Variants in WDR44 observed in about 807,000 individuals in gnomAD.
The protein encoded by WDR44 is WD repeat-containing protein 44.
WDR44 carries 9 observed loss-of-function variants against 65.7 expected under a neutral mutation model. The observed-to-expected ratio is 0.14, with a 90% confidence interval of 0.08 to 0.24. The LOEUF (loss-of-function observed/expected upper bound fraction) is 0.24, where lower values mean the gene tolerates loss of function less well. WDR44 is among the 10% of genes least tolerant of loss of function. The pLI is 1.00. For synonymous variants in WDR44, 220 were observed against 235.2 expected (o/e 0.94, Z 0.59); for missense variants, 425 against 670.9 (o/e 0.63, Z 4.05).
rs191641918 is a variant in WDR44 at position 118,445,092 on chromosome X, G to A, written c.2647+598G>A. The A allele has an allele frequency of 5.3e-4, 151 of 286,613 alleles. 1 individual carries two copies. The highest frequency in any genetic ancestry group is 3.7e-3 in the African/African-American group (131 of 35,332). The allele number at this position is 286,613 out of a possible 1,213,427, so 23.6% of individuals were successfully genotyped here. A position where few individuals can be genotyped will look rare whatever the true frequency, so the allele number is the denominator to read the frequency against. ...AGATGGATCACGAGGTCAGGAGATC[G>A]AGACCATCCTGGCTAACACGGTGAA... On this transcript the variant is annotated intron_variant, in intron 19 of 19. Transcript: ENST00000254029.
chrX:118,395,115 G>A (rs1012049654), intron 5 of WDR44, 134 bp from the exon 6 acceptor site: 8 of 575,630 alleles, frequency 1.4e-5, no homozygotes, highest in South Asian at 1.4e-4. Context: ...GGACTGAAAC[G>A]TAATGTTCCA....
At chrX:118,419,708 G>T (rs1254946168) in intron 12 of WDR44, among the ~76,000 whole-genome samples, 2 of 112,103 alleles carry the variant, frequency 1.8e-5, no homozygotes, top group Non-Finnish European at 3.8e-5. Context: ...TGTCTGCCAT[G>T]ATGGCATCCC....
Position 118,449,158 on chromosome X carries a change from G to T in WDR44, c.*171G>T. The T allele has an allele frequency of 3.1e-6, 1 of 327,056 alleles. No individual in the cohort carries two copies. The allele number at this position is 327,056 out of a possible 1,213,427, so 27.0% of individuals were successfully genotyped here. On this transcript the variant is annotated 3_prime_UTR_variant, in exon 20 of 20. Coordinates refer to ENST00000254029, the MANE Select transcript of WDR44 (RefSeq NM_019045.5). Reference sequence around the variant, plus strand: ...ATCTAGGAAACCCTGGGCTGATAGAGTAGAAAGGAATATGGCTAGAATAAC... The same window carrying T: ...ATCTAGGAAACCCTGGGCTGATAGATTAGAAAGGAATATGGCTAGAATAAC...
chrX:118,364,393 A>G (rs942368515), intron 1 of WDR44, among the ~76,000 whole-genome samples: 2 of 112,222 alleles, frequency 1.8e-5, no homozygotes, highest in Non-Finnish European at 3.8e-5. Flanking sequence ...CTCTTCTCCC[A>G]CTTACATACA....
intron 12 of WDR44, among the ~76,000 whole-genome samples, chrX:118,424,259 G>GTT (rs2057130935): frequency 2.4e-5 from 2 of 84,521 alleles, no homozygotes; most frequent in African/African-American, 1.0e-4. Context: ...ACTAATACTT[G>GTT]TTATCTTATA....
At chrX:118,443,513 A>T (rs376522904) in intron 17 of WDR44, 47 bp from the exon 18 acceptor site, 2 of 1,191,074 alleles carry the variant, frequency 1.7e-6, no homozygotes, top group Non-Finnish European at 2.3e-6. Context: ...CTTTAAACAT[A>T]TACACACACA....
intron 1 of WDR44, among the ~76,000 whole-genome samples, chrX:118,357,041 C>T (rs1223557560): frequency 2.8e-5 from 3 of 108,766 alleles, no homozygotes; most frequent in Non-Finnish European, 3.8e-5. Context: ...CCATGTTGGC[C>T]GGGATGGTCT....
At chrX:118,432,962 C>G in intron 13 of WDR44, 68 bp downstream of exon 13, 1 of 997,256 alleles carries the variant, frequency 1.0e-6, no homozygotes, top group African/African-American at 1.9e-5. Flanking sequence ...AGTCTTAAAG[C>G]AGAATTTCTT....
intron 1 of WDR44, among the ~76,000 whole-genome samples, chrX:118,361,372 A>G (rs2056510389): frequency 8.9e-6 from 1 of 111,976 alleles, no homozygotes; most frequent in African/African-American, 3.2e-5. Flanking sequence ...GTCTATAGCT[A>G]ATGAGTGAGA....
intron 1 of WDR44, among the ~76,000 whole-genome samples, chrX:118,352,353 T>TATATATATATATATATATATATA (rs1491172810): frequency 1.3e-4 from 2 of 15,789 alleles, no homozygotes; most frequent in Non-Finnish European, 1.7e-4. Flanking sequence ...TATATATATA[T>TATATATATATATATATATATATA]TTTTTTTTTT....
chrX:118,435,966 T>C (rs1478483438), intron 13 of WDR44, among the ~76,000 whole-genome samples: 1 of 112,001 alleles, frequency 8.9e-6, no homozygotes, highest in African/African-American at 3.2e-5. Context: ...AATACAGAGG[T>C]ATCATTTGAG....
At chrX:118,432,938 G>A (rs932195000) in intron 13 of WDR44, 44 bp downstream of exon 13, 1 of 1,092,686 alleles carries the variant, frequency 9.2e-7, no homozygotes, top group Non-Finnish European at 1.3e-6. Context: ...CTGCGTATAA[G>A]GAGCTGATGC....
chrX:118,429,588 C>A (rs867724931), intron 12 of WDR44, among the ~76,000 whole-genome samples: 354 of 67,889 alleles, frequency 5.2e-3, no homozygotes, highest in Non-Finnish European at 5.7e-3. Flanking sequence ...GACTCAGTCT[C>A]AAAAAAAAAA....
chrX:118,346,712 T>G (rs1481863553), intron 1 of WDR44, 132 bp downstream of exon 1: 1 of 504,627 alleles, frequency 2.0e-6, no homozygotes, highest in Non-Finnish European at 3.1e-6. Flanking sequence ...CTGGAGGACT[T>G]CAGAACCCAG....
intron 19 of WDR44, among the ~76,000 whole-genome samples, chrX:118,446,044 A>G (rs755840408): frequency 9.3e-6 from 1 of 107,194 alleles, no homozygotes; most frequent in South Asian, 4.1e-4. Flanking sequence ...AGAAAAAAAA[A>G]AAAAAAAAAG....
intron 12 of WDR44, among the ~76,000 whole-genome samples, chrX:118,420,659 T>C (rs1305850649): frequency 8.9e-6 from 1 of 112,191 alleles, no homozygotes; most frequent in African/African-American, 3.2e-5. Context: ...CTAGTGCCTG[T>C]GCATCCTACC....
chrX:118,380,666 T>C (rs1378257345), intron 2 of WDR44, among the ~76,000 whole-genome samples: 3 of 111,934 alleles, frequency 2.7e-5, no homozygotes, highest in African/African-American at 9.7e-5. Context: ...ATAGTTCTGA[T>C]TGTTGGTGAT....
chrX:118,413,870 T>C (rs1328236792), intron 12 of WDR44, among the ~76,000 whole-genome samples: 1 of 111,837 alleles, frequency 8.9e-6, no homozygotes, highest in Non-Finnish European at 1.9e-5. Flanking sequence ...AAGTGAGAGA[T>C]GAGGATCCAG....
chrX:118,420,294 G>A (rs1400108714), intron 12 of WDR44, among the ~76,000 whole-genome samples: 1 of 110,256 alleles, frequency 9.1e-6, no homozygotes, highest in East Asian at 2.8e-4. Flanking sequence ...CTCTGTCGCC[G>A]AGGCTGGAGT....
Sources: gnomAD v4.1 joint callset for allele counts (sites outside exome capture counted in the v4.1 genomes callset) on GRCh38, gnomAD v4.1.1 for gene constraint, MANE v1.5 for transcripts, NCBI Gene and HGNC (gene_info 2026-07-23, HGNC 2026-07-21) for gene names.